The following ATAD2B variants were observed in gnomAD, a reference collection of about 807,000 sequenced individuals.
ATAD2B encodes ATPase family AAA domain containing 2B.
ATAD2B carries 40 observed loss-of-function variants against 167.6 expected under a neutral mutation model. The observed-to-expected ratio is 0.24, with a 90% confidence interval of 0.19 to 0.31. ATAD2B has a LOEUF of 0.31. ATAD2B is among the 10% of genes least tolerant of loss of function. The pLI is 1.00. For missense variants in ATAD2B, 1,242 were observed against 1,757.2 expected (o/e 0.71, Z 5.24); for synonymous variants, 579 against 596.5 (o/e 0.97, Z 0.43).
intron 7 of ATAD2B, among the ~76,000 whole-genome samples, chr2:23,879,487 GTT>G (rs1697533647): frequency 6.6e-6 from 1 of 152,064 alleles, no homozygotes; most frequent in Non-Finnish European, 1.5e-5. Context: ...TACACCTGTA[GTT>G]CTAGCTATAC....
Position 23,904,630 on chromosome 2 carries a change from G to A in ATAD2B, c.217-8660C>T, listed in dbSNP as rs1701262322. ...GAGAATAAAACAAATTATTTAAAGA[G>A]TAAGTAAATGATGAGAGAAAACACC... On this transcript the variant is annotated intron_variant, in intron 1 of 27. Transcript: ENST00000238789. Among the ~76,000 whole-genome samples, 3 of 149,602 alleles carry A rather than the reference G, an allele frequency of 2.0e-5. 1 individual carries two copies. The South Asian group carries it at 6.3e-4, about 31-fold the overall frequency.
chr2:23,741,634 T>C, the ATAD2B span, among the ~76,000 whole-genome samples: 132 of 152,270 alleles, frequency 8.7e-4, 1 homozygote, highest in African/African-American at 3.0e-3. Context: ...ATTCAGGACA[T>C]AGGCATGGGC....
At chr2:23,812,705 T>C (rs1685793455) in intron 17 of ATAD2B, among the ~76,000 whole-genome samples, 1 of 151,942 alleles carries the variant, frequency 6.6e-6, no homozygotes, top group Non-Finnish European at 1.5e-5. Flanking sequence ...CTACTAAAAA[T>C]ACAAAAAATT....
the ATAD2B span, among the ~76,000 whole-genome samples, chr2:23,705,988 T>C: frequency 3.9e-5 from 6 of 152,288 alleles, 1 homozygote; most frequent in South Asian, 1.2e-3. Context: ...CAATCCTGGG[T>C]GGGCAGCAGC....
At chr2:23,747,455 A>T (rs892859838), downstream of ATAD2B, among the ~76,000 whole-genome samples, 1 of 152,088 alleles carries the variant, frequency 6.6e-6, no homozygotes, top group African/African-American at 2.4e-5. Flanking sequence ...CAAAAAAACA[A>T]GAACAAACTT....
At chr2:23,786,319 C>T in intron 20 of ATAD2B, 96 bp from the exon 21 acceptor site, 1 of 1,002,986 alleles carries the variant, frequency 1.0e-6, no homozygotes, top group African/African-American at 1.6e-5. Context: ...AAAAGAATTA[C>T]AAATACAGTC....
At chr2:23,734,630 G>C in the ATAD2B span, among the ~76,000 whole-genome samples, 31 of 152,124 alleles carry the variant, frequency 2.0e-4, no homozygotes, top group Non-Finnish European at 3.8e-4. Context: ...ATAAGTGGGA[G>C]GTGCTACATG....
chr2:23,797,094 ATAAC>A (rs1434753562), intron 19 of ATAD2B, among the ~76,000 whole-genome samples: 2 of 152,172 alleles, frequency 1.3e-5, no homozygotes, highest in East Asian at 3.8e-4. Context: ...TTTTAGCAAG[ATAAC>A]TAATGAAAGC....
chr2:23,800,227 T>A (rs1245946083), intron 18 of ATAD2B, among the ~76,000 whole-genome samples: 1 of 152,164 alleles, frequency 6.6e-6, no homozygotes, highest in Non-Finnish European at 1.5e-5. Context: ...GGTGATCATA[T>A]GAAAGACTAA....
intron 15 of ATAD2B, among the ~76,000 whole-genome samples, chr2:23,826,310 G>C (rs1484570898): frequency 6.6e-6 from 1 of 152,118 alleles, no homozygotes; most frequent in Non-Finnish European, 1.5e-5. Context: ...CACATGTGCT[G>C]GTTAGGCCTC....
intron 22 of ATAD2B, among the ~76,000 whole-genome samples, chr2:23,771,344 TG>T: frequency 6.6e-6 from 1 of 152,306 alleles, no homozygotes; most frequent in African/African-American, 2.4e-5. Context: ...TTGATAGAAG[TG>T]GTAAGAGCAG....
At position 23,869,679 on chromosome 2, in the gene ATAD2B, C is replaced by A; in HGVS notation, c.1060G>T (p.Ala354Ser). The part of the protein sequence containing the change: ...RFERRKSKSM[A>S]RARNRCLPMN... ...TTTACTAACCTATTTCTTGCTCTTG[C>A]CATGCTCTTTGATTTCCTTCTTTCA... is the stretch of plus-strand genomic sequence containing the variant. Residue 354 changes from alanine (A) to serine (S), a missense_variant, in exon 9 of 28, where the codon GCA becomes TCA. By Grantham distance (99) the Ala-to-Ser change is moderately conservative. Around this residue, in one of 9 missense-constraint regions of ATAD2B, gnomAD observed 127 missense variants for 146.3 expected, o/e 0.87. Transcript: ENST00000238789. 1 of 1,563,544 alleles carries A rather than the reference C, an allele frequency of 6.4e-7. No individual in the cohort carries two copies. Among genetic ancestry groups the A allele is most frequent in the Admixed American group, 1.9e-5 (1 of 52,038 alleles).
the ATAD2B span, among the ~76,000 whole-genome samples, chr2:23,687,827 A>G: frequency 6.6e-6 from 1 of 151,932 alleles, no homozygotes; most frequent in Non-Finnish European, 1.5e-5. Flanking sequence ...CTTGCAGGGG[A>G]CGCGGCTGGA....
chr2:23,753,240 G>A (rs574949760), intron 27 of ATAD2B, among the ~76,000 whole-genome samples: 18 of 152,138 alleles, frequency 1.2e-4, no homozygotes, highest in African/African-American at 4.3e-4. Context: ...ATCATATATT[G>A]CCAAATAAGA....
intron 2 of ATAD2B, among the ~76,000 whole-genome samples, chr2:23,892,548 T>C (rs1573300753): frequency 6.6e-6 from 1 of 151,590 alleles, no homozygotes; most frequent in Admixed American, 6.6e-5. Context: ...CTCAGCTAAC[T>C]GCAACCTCTG....
chr2:23,745,422 A>AAAGGGAAGGGAAGGG (rs373427651), downstream of ATAD2B, among the ~76,000 whole-genome samples: 33 of 85,052 alleles, frequency 3.9e-4, no homozygotes, highest in South Asian at 2.2e-3. Flanking sequence ...GGAAGGAAGG[A>AAAGGGAAGGGAAGGG]AAGGGAAGGG....
intron 27 of ATAD2B, among the ~76,000 whole-genome samples, chr2:23,753,835 C>T (rs1675635381): frequency 6.6e-6 from 1 of 151,994 alleles, no homozygotes; most frequent in South Asian, 2.1e-4. Context: ...ATGACCACAT[C>T]CGACAAGCCC....
the ATAD2B span, chr2:23,708,590 A>ATATT: frequency 1.3e-5 from 2 of 152,216 alleles, no homozygotes; most frequent in African/African-American, 4.8e-5. Context: ...TATAATAAAT[A>ATATT]TATTTATAGA....
intron 7 of ATAD2B, among the ~76,000 whole-genome samples, chr2:23,877,641 G>A (rs1055256176): frequency 1.3e-5 from 2 of 150,254 alleles, no homozygotes; most frequent in Non-Finnish European, 3.0e-5. Flanking sequence ...GGAGGCTAAG[G>A]CGGGTGGATC....
Sources: gnomAD v4.1 joint callset for allele counts (sites outside exome capture counted in the v4.1 genomes callset) on GRCh38, gnomAD v4.1.1 for gene constraint, gnomAD v4.1.1 regional missense constraint, MANE v1.5 for transcripts, NCBI Gene and HGNC (gene_info 2026-07-23, HGNC 2026-07-21) for gene names.